The following NEGR1 variants were observed in gnomAD, a reference collection of about 807,000 sequenced individuals.
NEGR1 encodes IgLON family member 4.
Under a neutral mutation model 40.9 loss-of-function variants are expected in NEGR1, and 10 were observed. The ratio of observed to expected loss-of-function variants is 0.24; its 90% CI spans 0.15 to 0.42. The LOEUF is 0.42. NEGR1 is among the 10% of genes least tolerant of loss of function. The pLI is 1.00. For missense variants in NEGR1, 352 were observed against 438.9 expected (o/e 0.80, Z 1.77); for synonymous variants, 185 against 166.8 (o/e 1.11, Z -0.84).
chr1:72,164,480 GT>G (rs1651699577), intron 1 of NEGR1, among the ~76,000 whole-genome samples: 1 of 151,920 alleles, frequency 6.6e-6, no homozygotes, highest in African/African-American at 2.4e-5. Flanking sequence ...ACTTTATGCT[GT>G]GTATCTGCAC....
At chr1:72,248,575 T>TTTATTTA (rs1553153653) in intron 1 of NEGR1, among the ~76,000 whole-genome samples, 84 of 132,942 alleles carry the variant, frequency 6.3e-4, no homozygotes, top group Non-Finnish European at 1.2e-3. Flanking sequence ...TCTATTTTTA[T>TTTATTTA]TTATTATTAT....
chr1:71,817,159 A>G (rs1232332780), intron 2 of NEGR1, among the ~76,000 whole-genome samples: 1 of 151,920 alleles, frequency 6.6e-6, no homozygotes, highest in African/African-American at 2.4e-5. Flanking sequence ...AGACATGGAG[A>G]TGTGCTGTGC....
At chr1:71,919,580 G>T (rs1442036278) in intron 2 of NEGR1, among the ~76,000 whole-genome samples, 3 of 148,620 alleles carry the variant, frequency 2.0e-5, no homozygotes, top group Non-Finnish European at 3.0e-5. Context: ...GTATCAAAAA[G>T]TACCAAATTT....
chr1:72,007,865 T>A (rs1404210930), intron 1 of NEGR1, among the ~76,000 whole-genome samples: 1 of 152,158 alleles, frequency 6.6e-6, no homozygotes, highest in Non-Finnish European at 1.5e-5. Flanking sequence ...TCTTTTTATT[T>A]TCTTTGCTCC....
intron 6 of NEGR1, among the ~76,000 whole-genome samples, chr1:71,590,708 A>T (rs559065803): frequency 3.9e-5 from 6 of 152,182 alleles, no homozygotes; most frequent in Admixed American, 1.3e-4. Context: ...ACAAGTTTAT[A>T]TAAAAAATAA....
intron 1 of NEGR1, among the ~76,000 whole-genome samples, chr1:72,279,800 A>G (rs568141987): frequency 6.6e-6 from 1 of 152,208 alleles, no homozygotes; most frequent in African/African-American, 2.4e-5. Context: ...CAAGAAAAAA[A>G]TAACTGACAA....
intron 6 of NEGR1, among the ~76,000 whole-genome samples, chr1:71,435,057 C>T (rs6424428): frequency 0.95 from 145,176 of 152,020 alleles, 69,656 homozygotes; most frequent in East Asian, 1. Flanking sequence ...CGCCAATGCA[C>T]TCCAGCCTGG....
At chr1:71,543,149 C>T (rs1647771296) in intron 6 of NEGR1, among the ~76,000 whole-genome samples, 1 of 151,638 alleles carries the variant, frequency 6.6e-6, no homozygotes, top group African/African-American at 2.4e-5. Context: ...ATGGTAGGTA[C>T]TCAGTAAATA....
intron 1 of NEGR1, among the ~76,000 whole-genome samples, chr1:72,244,290 C>G (rs766918487): frequency 6.6e-6 from 1 of 151,688 alleles, no homozygotes; most frequent in African/African-American, 2.4e-5. Flanking sequence ...GGTCAACTAT[C>G]GAAGAAATTA....
chr1:71,958,408 C>A (rs938034480), intron 1 of NEGR1, among the ~76,000 whole-genome samples: 1 of 152,056 alleles, frequency 6.6e-6, no homozygotes, highest in African/African-American at 2.4e-5. Flanking sequence ...TTTGTCTCTA[C>A]ATAAAGGAAT....
chr1:71,494,698 T>C (rs1646950641), intron 6 of NEGR1, among the ~76,000 whole-genome samples: 1 of 152,160 alleles, frequency 6.6e-6, no homozygotes, highest in African/African-American at 2.4e-5. Flanking sequence ...AGGACCGTCT[T>C]GTGGGGAGAA....
chr1:71,724,408 G>T (rs1425061052), intron 3 of NEGR1, among the ~76,000 whole-genome samples: 1 of 152,134 alleles, frequency 6.6e-6, no homozygotes, highest in Admixed American at 6.6e-5. Context: ...AGGTATAGAA[G>T]TGATTTTAAT....
At chr1:71,805,486 T>G (rs1163883446) in intron 2 of NEGR1, among the ~76,000 whole-genome samples, 1 of 152,124 alleles carries the variant, frequency 6.6e-6, no homozygotes, top group African/African-American at 2.4e-5. Flanking sequence ...AGCCGACACT[T>G]AGGGAAAATA....
At position 71,996,880 on chromosome 1, in the gene NEGR1, T is replaced by C. The variant is rs1231569023; in HGVS notation, c.177-61569A>G. On this transcript the variant is annotated intron_variant, in intron 1 of 6. Transcript: ENST00000357731. Reference sequence around the variant, plus strand: ...GATCTCTCAATTGACCTTTTCCCAATGTCTGTTTTCCCTGATTCTCTTTGA... The same window carrying C: ...GATCTCTCAATTGACCTTTTCCCAACGTCTGTTTTCCCTGATTCTCTTTGA... 1.3e-5 allele frequency among the ~76,000 whole-genome samples: 2 copies of C among 152,060 alleles called. 1 individual carries two copies. The highest frequency in any genetic ancestry group is 2.9e-5 in the Non-Finnish European group (2 of 67,918).
At chr1:71,524,933 C>A (rs775562633) in intron 6 of NEGR1, among the ~76,000 whole-genome samples, 2 of 151,632 alleles carry the variant, frequency 1.3e-5, no homozygotes, top group Admixed American at 1.3e-4. Context: ...TTGGAAAATG[C>A]GGAAAATAGA....
chr1:71,903,458 T>C (rs1369261144), intron 2 of NEGR1, among the ~76,000 whole-genome samples: 1 of 151,962 alleles, frequency 6.6e-6, no homozygotes, highest in East Asian at 1.9e-4. Context: ...AATGATAGTA[T>C]TTTAACTAAG....
At chr1:72,086,134 C>T (rs1202207686) in intron 1 of NEGR1, among the ~76,000 whole-genome samples, 1 of 152,070 alleles carries the variant, frequency 6.6e-6, no homozygotes, top group African/African-American at 2.4e-5. Context: ...TGATTATCAA[C>T]CATATGATAT....
intron 3 of NEGR1, among the ~76,000 whole-genome samples, chr1:71,713,074 T>C (rs1226271069): frequency 6.6e-6 from 1 of 152,366 alleles, no homozygotes; most frequent in East Asian, 1.9e-4. Context: ...CAGTATATTA[T>C]AAAATGATTC....
chr1:71,570,149 G>T (rs1244865464), intron 6 of NEGR1, among the ~76,000 whole-genome samples: 1 of 152,138 alleles, frequency 6.6e-6, no homozygotes, highest in Non-Finnish European at 1.5e-5. Context: ...GGGAGTCCAT[G>T]ATTTAAAAGA....
Sources: allele counts gnomAD v4.1 joint callset (sites outside exome capture counted in the v4.1 genomes callset), GRCh38; gene constraint gnomAD v4.1.1; transcripts MANE v1.5; gene names NCBI Gene and HGNC (gene_info 2026-07-23, HGNC 2026-07-21).